ANO6: variants seen among roughly 807,000 people sequenced by gnomAD.
ANO6 encodes anoctamin 6.
A neutral mutation model predicts 117.5 loss-of-function variants in ANO6; 106 were observed. The ratio of observed to expected loss-of-function variants is 0.90; its 90% confidence interval spans 0.77 to 1.06. The LOEUF is 1.06. Among genes scored for constraint, ANO6 ranks in the 50% least tolerant of loss-of-function variants. The pLI is 0.00. For missense variants in ANO6, 955 were observed against 1,121.1 expected (o/e 0.85, Z 2.12); for synonymous variants, 367 against 385.1 (o/e 0.95, Z 0.55).
At chr12:45,435,380 C>A (rs536640627), downstream of ANO6, among the ~76,000 whole-genome samples, 1 of 152,296 alleles carries the variant, frequency 6.6e-6, no homozygotes, top group South Asian at 2.1e-4. Context: ...TCAGTGCAGC[C>A]CAGTTTCTGC....
At chr12:45,383,065 T>C (rs1353459400) in intron 10 of ANO6, 1 of 157,800 alleles carries the variant, frequency 6.3e-6, no homozygotes, top group Non-Finnish European at 1.4e-5. Flanking sequence ...TTGGAGTCAA[T>C]CCTCTCAAAC....
chr12:45,310,416 G>A (rs887466629), intron 2 of ANO6, among the ~76,000 whole-genome samples: 2 of 152,052 alleles, frequency 1.3e-5, no homozygotes, highest in East Asian at 1.9e-4. Flanking sequence ...CTGAGTAAGT[G>A]AGTCAAGGCT....
At chr12:45,347,267 A>G in intron 4 of ANO6, 180 bp downstream of exon 4, 1 of 589,882 alleles carries the variant, frequency 1.7e-6, no homozygotes. Flanking sequence ...TCTGATCAAA[A>G]CTAGCAGATC....
At chr12:45,295,090 A>G (rs2137288455) in intron 1 of ANO6, among the ~76,000 whole-genome samples, 1 of 152,360 alleles carries the variant, frequency 6.6e-6, no homozygotes, top group African/African-American at 2.4e-5. Flanking sequence ...GGGCTAAACC[A>G]TGTAGCGCTC....
intron 7 of ANO6, among the ~76,000 whole-genome samples, chr12:45,356,343 A>G (rs1426579975): frequency 1.3e-5 from 2 of 151,772 alleles, no homozygotes; most frequent in African/African-American, 4.8e-5. Flanking sequence ...TTTTTTTCTT[A>G]TTATTACAGT....
Position 45,430,329 on chromosome 12 carries a change from T to C in ANO6, c.*1018T>C, listed in dbSNP as rs967228363. 1.2e-5 allele frequency: 12 copies of C among 985,324 alleles called. No individual in the cohort carries two copies. Among genetic ancestry groups the C allele is most frequent in the Non-Finnish European group, 1.3e-5 (11 of 829,958 alleles). 61.0% of individuals were successfully genotyped at this position (985,324 alleles called of 1,614,324 possible). On this transcript the variant is annotated 3_prime_UTR_variant, in exon 20 of 20. Coordinates refer to ENST00000320560, the MANE Select transcript of ANO6 (RefSeq NM_001025356.3). ...ATGGCTCACTACACAGCCATTGGGG[T>C]ACAACTGTGTGCATGGGCAGAAACA...
intron 8 of ANO6, among the ~76,000 whole-genome samples, chr12:45,361,767 G>A (rs941959839): frequency 2.0e-5 from 3 of 151,936 alleles, no homozygotes; most frequent in Admixed American, 6.6e-5. Context: ...GTTTTTGTTC[G>A]TTATTCTATT....
At chr12:45,318,930 G>A (rs1444696640) in intron 2 of ANO6, among the ~76,000 whole-genome samples, 19 of 152,170 alleles carry the variant, frequency 1.2e-4, no homozygotes, top group African/African-American at 4.1e-4. Context: ...TGTTATTGGT[G>A]TATAAGAATG....
Position 45,331,295 on chromosome 12 carries a change from G to T in ANO6, c.151G>T (p.Glu51Ter). 1 of 1,607,260 alleles carries T rather than the reference G, an allele frequency of 6.2e-7. No homozygotes were observed. Among genetic ancestry groups the T allele is most frequent in the Non-Finnish European group, 8.5e-7 (1 of 1,176,348 alleles). ...SQHDFRTPEFEEFNGKPDSLF... is the reference protein window; with the variant it reads ...SQHDFRTPEF ...CAATTTGTTTTTCTGTTTTACACAG[G>T]AAGAATTTAATGGAAAACCTGACTC... The change falls in exon 3 of 20, where the codon GAA becomes TAA. Residue 51 changes from glutamate to a stop codon, truncating the protein, a stop_gained and splice_region_variant. Transcript: ENST00000320560. LOFTEE classifies it high-confidence loss of function.
At chr12:45,319,840 T>A (rs1940193629) in intron 2 of ANO6, among the ~76,000 whole-genome samples, 1 of 152,222 alleles carries the variant, frequency 6.6e-6, no homozygotes, top group South Asian at 2.1e-4. Context: ...CCTGGTTTAG[T>A]CTTGGGAGGG....
At chr12:45,322,085 T>A (rs1940297218) in intron 2 of ANO6, among the ~76,000 whole-genome samples, 1 of 152,166 alleles carries the variant, frequency 6.6e-6, no homozygotes, top group African/African-American at 2.4e-5. Context: ...CAGATGGTAA[T>A]GCAGTTAGAA....
At chr12:45,232,898 T>TTGGACC (rs1292920592) in intron 1 of ANO6, among the ~76,000 whole-genome samples, 5 of 152,208 alleles carry the variant, frequency 3.3e-5, no homozygotes, top group African/African-American at 1.2e-4. Flanking sequence ...CATGGAGAGC[T>TTGGACC]TGGACCGCAG....
chr12:45,431,769 T>A lies in ANO6; in HGVS notation c.*2458T>A. The A allele has an allele frequency of 4.1e-6, 4 of 985,472 alleles. No individual in the cohort carries two copies. Among genetic ancestry groups the A allele is most frequent in the Non-Finnish European group, 4.8e-6 (4 of 829,966 alleles). The allele number at this position is 985,472 out of a possible 1,614,324, so 61.0% of individuals were successfully genotyped here. On this transcript the variant is annotated 3_prime_UTR_variant, in exon 20 of 20. Transcript: ENST00000320560. ...TCAGAGGCAGCAGCCCTGGGGAAAT[T>A]GATGGGTGTGGCAGTGGACCTGTGA...
At chr12:45,368,135 T>C (rs1182274365) in intron 9 of ANO6, among the ~76,000 whole-genome samples, 1 of 152,252 alleles carries the variant, frequency 6.6e-6, no homozygotes, top group Non-Finnish European at 1.5e-5. Context: ...GTATTCATTA[T>C]CTGAAATGCT....
intron 1 of ANO6, among the ~76,000 whole-genome samples, chr12:45,236,563 C>A (rs1315129921): frequency 1.3e-5 from 2 of 152,130 alleles, no homozygotes; most frequent in Admixed American, 6.6e-5. Context: ...TGAGCTCATC[C>A]TTTTTTATGG....
intron 2 of ANO6, among the ~76,000 whole-genome samples, chr12:45,320,406 A>G (rs1460810360): frequency 2.0e-5 from 3 of 152,094 alleles, no homozygotes; most frequent in Non-Finnish European, 4.4e-5. Flanking sequence ...CAGGTTGTTC[A>G]GTTTCCATGT....
At chr12:45,233,217 C>A (rs534529140) in intron 1 of ANO6, among the ~76,000 whole-genome samples, 17 of 152,220 alleles carry the variant, frequency 1.1e-4, no homozygotes, top group Non-Finnish European at 1.8e-4. Flanking sequence ...TGATATGCTT[C>A]TCTCAATATT....
At chr12:45,412,940 G>C (rs535449061) in intron 16 of ANO6, among the ~76,000 whole-genome samples, 1 of 152,306 alleles carries the variant, frequency 6.6e-6, no homozygotes, top group South Asian at 2.1e-4. Flanking sequence ...GACATTTTGT[G>C]TGGAGAGGTG....
intron 1 of ANO6, among the ~76,000 whole-genome samples, chr12:45,277,271 C>T (rs1008527567): frequency 1.3e-5 from 2 of 152,144 alleles, no homozygotes; most frequent in African/African-American, 2.4e-5. Context: ...AGTTTGATTA[C>T]TTTTCCTCTG....
Sources: allele counts gnomAD v4.1 joint callset (sites outside exome capture counted in the v4.1 genomes callset), GRCh38; gene constraint gnomAD v4.1.1; transcripts MANE v1.5; gene names NCBI Gene and HGNC (gene_info 2026-07-23, HGNC 2026-07-21).